Variants in TRIM34 observed in about 807,000 individuals in gnomAD.
The protein encoded by TRIM34 is tripartite motif containing 34.
TRIM34 carries 41 observed loss-of-function variants against 38.1 expected under a neutral mutation model. The ratio of observed to expected loss-of-function variants is 1.08; its 90% CI spans 0.84 to 1.40. The LOEUF (loss-of-function observed/expected upper bound fraction) is 1.40, where lower values mean the gene tolerates loss of function less well. Among genes scored for constraint, TRIM34 ranks in the 40% most tolerant of loss-of-function variants. TRIM34 has a pLI of 0.00. For synonymous variants in TRIM34, 200 were observed against 202.5 expected (o/e 0.99, Z 0.10); for missense variants, 556 against 571.4 (o/e 0.97, Z 0.27).
chr11:5,628,380 CCTT>C, intron 1 of TRIM34, among the ~76,000 whole-genome samples: 1 of 152,336 alleles, frequency 6.6e-6, no homozygotes, highest in Middle Eastern at 3.4e-3. Context: ...CATATAAACT[CCTT>C]GTCTTACTAG....
At position 5,644,125 on chromosome 11, in the gene TRIM34, C is replaced by T; in HGVS notation, c.*416C>T. On this transcript the variant is annotated 3_prime_UTR_variant, in exon 8 of 8. Transcript: ENST00000429814. The stretch of plus-strand genomic sequence containing the variant: ...ATGTCAGTGTGTTGCTCAGGATACC[C>T]CAGGTACATCAAGGAATCAAGGAGA... The T allele has an allele frequency of 2.5e-6, 1 of 401,276 alleles. No individual in the cohort carries two copies. The allele number at this position is 401,276 out of a possible 1,614,324, so 24.9% of individuals were successfully genotyped here.
At chr11:5,632,791 G>T in intron 2 of TRIM34, 37 bp downstream of exon 2, 2 of 1,496,388 alleles carry the variant, frequency 1.3e-6, no homozygotes, top group South Asian at 1.4e-5. Context: ...GGCAGAAGAT[G>T]GTAGTTGGTG....
At chr11:5,621,837 C>T (rs1200907587), upstream of TRIM34, among the ~76,000 whole-genome samples, 1 of 152,106 alleles carries the variant, frequency 6.6e-6, no homozygotes, top group Admixed American at 6.5e-5. Context: ...AAGCCCCCTC[C>T]CTGCTTGAGT....
chr11:5,642,916 T>G, intron 7 of TRIM34, 73 bp downstream of exon 7: 1 of 1,593,336 alleles, frequency 6.3e-7, no homozygotes, highest in South Asian at 1.1e-5. Context: ...AATGATATCT[T>G]CTGATCTTAG....
chr11:5,620,733 T>C (rs148126970), upstream of TRIM34, among the ~76,000 whole-genome samples: 133 of 152,270 alleles, frequency 8.7e-4, no homozygotes, highest in African/African-American at 3.0e-3. Context: ...TGCAATGGTG[T>C]TTGTCAGTGT....
At chr11:5,641,767 G>C (rs1564890546) in intron 5 of TRIM34, among the ~76,000 whole-genome samples, 1 of 152,272 alleles carries the variant, frequency 6.6e-6, no homozygotes, top group Admixed American at 6.5e-5. Flanking sequence ...CTTGTTCCTT[G>C]TGTCTACCAT....
At chr11:5,639,276 G>GT (rs1849880226) in intron 4 of TRIM34, among the ~76,000 whole-genome samples, 1 of 152,066 alleles carries the variant, frequency 6.6e-6, no homozygotes, top group African/African-American at 2.4e-5. Flanking sequence ...GATTGTTCTG[G>GT]TTGCTAATGG....
In TRIM34 at chr11:5,643,625, A is replaced by G. The variant is rs763487735; in HGVS notation, c.1383A>G (p.Lys461=). The change falls in exon 8 of 8, where the codon AAA becomes AAG. Residue 461 remains lysine, a synonymous_variant. Transcript: ENST00000429814. ...GCTCCCTCATTTACAAGTTCTCTAA[A>G]TGTTGCTTTTCTCAGCCTGTTTATC... ...SHGSLIYKFS[K]CCFSQPVYPY... The G allele has an allele frequency of 1.2e-6, 2 of 1,614,070 alleles. No homozygotes were observed. The highest frequency in any genetic ancestry group is 1.7e-6 in the Non-Finnish European group (2 of 1,179,988).
At chr11:5,630,395 C>G (rs932356390) in intron 1 of TRIM34, among the ~76,000 whole-genome samples, 2 of 152,304 alleles carry the variant, frequency 1.3e-5, no homozygotes, top group Admixed American at 1.3e-4. Context: ...CCTGCATCCT[C>G]CCATCCCTGC....
intron 4 of TRIM34, among the ~76,000 whole-genome samples, chr11:5,636,873 G>A (rs900993263): frequency 3.3e-5 from 5 of 152,166 alleles, no homozygotes; most frequent in East Asian, 3.9e-4. Context: ...TTGGCGGGGC[G>A]CGGTGGCTCA....
In TRIM34 at chr11:5,632,575, A is replaced by G. The variant is rs936773156; in HGVS notation, c.244A>G (p.Lys82Glu). The change falls in exon 2 of 8, where the codon AAG becomes GAG. Residue 82 changes from lysine (K) to glutamate (E), a missense_variant. Transcript: ENST00000429814. ...QHLANIVERLKEVKLSPDNGK... is the reference protein window; with the variant it reads ...QHLANIVERLEEVKLSPDNGK... ...TCTGGCCAACATAGTGGAGAGACTC[A>G]AGGAGGTCAAGTTGAGCCCAGACAA... 6.2e-7 allele frequency: 1 copy of G among 1,613,836 alleles called. No homozygotes were observed. The highest frequency in any genetic ancestry group is 8.5e-7 in the Non-Finnish European group (1 of 1,179,966).
chr11:5,625,417 G>T (rs1849165356), intron 1 of TRIM34, among the ~76,000 whole-genome samples: 1 of 152,152 alleles, frequency 6.6e-6, no homozygotes, highest in African/African-American at 2.4e-5. Flanking sequence ...ATGAACAGAA[G>T]ATCTCTTATT....
chr11:5,632,265 G>A lies in TRIM34; in HGVS notation c.-67G>A, dbSNP rs1422529601. 3 of 1,607,252 alleles carry A rather than the reference G, an allele frequency of 1.9e-6. No individual in the cohort carries two copies. Among genetic ancestry groups the A allele is most frequent in the Middle Eastern group, 1.7e-4 (1 of 6,006 alleles). The stretch of plus-strand genomic sequence containing the variant: ...TTTCAATCTTCTCAGCCATCCAGGG[G>A]TCTTTAACCAGAAGAGAGAGGAGAG... On this transcript the variant is annotated 5_prime_UTR_variant, in exon 2 of 8. Transcript: ENST00000429814.
intron 6 of TRIM34, 37 bp from the exon 7 acceptor site, chr11:5,642,780 T>C: frequency 6.2e-7 from 1 of 1,613,654 alleles, no homozygotes; most frequent in Non-Finnish European, 8.5e-7. Context: ...TACTCCTTTG[T>C]TTCTAATCAG....
At chr11:5,628,952 C>T (rs1342545091) in intron 1 of TRIM34, among the ~76,000 whole-genome samples, 1 of 151,974 alleles carries the variant, frequency 6.6e-6, no homozygotes, top group Non-Finnish European at 1.5e-5. Context: ...CTTTCTTTCC[C>T]GTGTGTCTGT....
At chr11:5,642,280 C>A in intron 5 of TRIM34, 126 bp from the exon 6 acceptor site, 1 of 763,254 alleles carries the variant, frequency 1.3e-6, no homozygotes, top group Admixed American at 2.6e-5. Flanking sequence ...TCCCTTCTCC[C>A]CCTCCTCAGG....
chr11:5,643,212 A>G lies in TRIM34; in HGVS notation c.970A>G (p.Ile324Val), dbSNP rs1484336107. ...LVLSEDQRQV[I>V]SVPIWPFQCY... is the part of the protein sequence containing the mutation. Reference sequence around the variant, plus strand: ...CCTTTCAGAAGATCAGAGACAAGTGATATCTGTGCCAATTTGGCCTTTTCA... The same window carrying G: ...CCTTTCAGAAGATCAGAGACAAGTGGTATCTGTGCCAATTTGGCCTTTTCA... The change falls in exon 8 of 8, where the codon ATA (isoleucine) becomes GTA (valine). Residue 324 changes from isoleucine to valine, a missense_variant. By Grantham distance (29) the Ile-to-Val change is conservative. Coordinates refer to ENST00000429814, the MANE Select transcript of TRIM34 (RefSeq NM_021616.6). The G allele has an allele frequency of 1.9e-6, 3 of 1,612,932 alleles. No homozygotes were observed. The highest frequency in any genetic ancestry group is 1.3e-5 in the African/African-American group (1 of 74,792).
chr11:5,643,286 A>G lies in TRIM34; in HGVS notation c.1044A>G (p.Lys348=), dbSNP rs770998237. ...GATCCCAATATTTCTCCTCTGGGAA[A>G]CATTACTGGGAAGTGGACGTGTCCA... is the stretch of plus-strand genomic sequence containing the variant. ...VLGSQYFSSG[K]HYWEVDVSKK... Residue 348 remains lysine, a synonymous_variant, in exon 8 of 8, where the codon AAA becomes AAG. Transcript: ENST00000429814. 1 of 1,614,058 alleles carries G rather than the reference A, an allele frequency of 6.2e-7. No homozygotes were observed. Among genetic ancestry groups the G allele is most frequent in the South Asian group, 1.1e-5 (1 of 91,078 alleles).
Position 5,644,326 on chromosome 11 carries a change from A to C in TRIM34, c.*617A>C. ...CTATTAAGATCACTGTGTAAAACTA[A>C]GTGTCTCTAAATGTAATGCATCGAT... On this transcript the variant is annotated 3_prime_UTR_variant, in exon 8 of 8. Coordinates refer to ENST00000429814, the MANE Select transcript of TRIM34 (RefSeq NM_021616.6). The C allele has an allele frequency of 2.5e-6, 1 of 398,592 alleles. No individual in the cohort carries two copies. Among genetic ancestry groups the C allele is most frequent in the Non-Finnish European group, 4.4e-6 (1 of 226,070 alleles). 24.7% of individuals were successfully genotyped at this position (398,592 alleles called of 1,614,324 possible). A position where few individuals can be genotyped will look rare whatever the true frequency, so the allele number is the denominator to read the frequency against.
Sources: allele counts gnomAD v4.1 joint callset (sites outside exome capture counted in the v4.1 genomes callset), GRCh38; gene constraint gnomAD v4.1.1; transcripts MANE v1.5; gene names NCBI Gene and HGNC (gene_info 2026-07-23, HGNC 2026-07-21).